MPND: variants seen among roughly 807,000 people sequenced by gnomAD.
The protein encoded by MPND is MPN domain containing, also known as MPN domain-containing protein.
Under a neutral mutation model 59.2 loss-of-function variants are expected in MPND, and 56 were observed. That is an observed-to-expected ratio of 0.95 (90% confidence interval 0.76 to 1.18). The LOEUF (loss-of-function observed/expected upper bound fraction) is 1.18, where lower values mean the gene tolerates loss of function less well. Ranked by LOEUF, MPND falls within the 50% of genes most tolerant of loss-of-function variation. The pLI is 0.00. For missense variants in MPND, 671 were observed against 676.0 expected, an observed-to-expected ratio of 0.99 and a Z score of 0.08; for synonymous variants, 323 against 291.9, an observed-to-expected ratio of 1.11 and a Z score of -1.09.
intron 3 of MPND, chr19:4,348,497 G>A (rs1462065067): frequency 6.6e-6 from 1 of 152,002 alleles, no homozygotes; most frequent in Non-Finnish European, 1.5e-5. Context: ...CTGACCTCGT[G>A]ATCCACCCCC....
At chr19:4,353,109 T>C (rs889299432) in intron 4 of MPND, 80 bp downstream of exon 4, 7 of 1,169,114 alleles carry the variant, frequency 6.0e-6, no homozygotes, top group Middle Eastern at 3.1e-4. Context: ...AGGTTGGGCC[T>C]TGATCTTCTC....
intron 8 of MPND, chr19:4,356,599 A>T (rs1016561557): frequency 2.0e-5 from 3 of 151,838 alleles, no homozygotes; most frequent in Admixed American, 1.3e-4. Context: ...GCCAGGCCTC[A>T]TCTATTAAAC....
chr19:4,353,048 G>C lies in MPND; in HGVS notation c.664+19G>C. On this transcript the variant is annotated intron_variant, in intron 4 of 12. Coordinates refer to ENST00000599840, the MANE Select transcript of MPND (RefSeq NM_001300862.2). ...CACCCGGGTGAGAGGCGTGGGGAGGGGAGGCAGGACAGGGGCGGATACAGC... is the reference window on the plus strand; with the variant it reads ...CACCCGGGTGAGAGGCGTGGGGAGGCGAGGCAGGACAGGGGCGGATACAGC... 1 of 1,329,650 alleles carries C rather than the reference G, an allele frequency of 7.5e-7. No individual in the cohort carries two copies. The highest frequency in any genetic ancestry group is 9.7e-7 in the Non-Finnish European group (1 of 1,029,562). The allele number at this position is 1,329,650 out of a possible 1,614,324, so 82.4% of individuals were successfully genotyped here.
chr19:4,359,991 C>T lies in MPND; in HGVS notation c.1495C>T (p.Gln499Ter). ...VLEQVCGVLKQGS is the reference protein window; with the variant it reads ...VLEQVCGVLK ...GGAACAGGTGTGCGGCGTCCTCAAG[C>T]AGGGGAGCTGAGCCTTCCAGGGCAG... The change falls in exon 13 of 13, where the codon CAG becomes TAG. Residue 499 changes from glutamine to a stop codon, truncating the protein, a stop_gained. Coordinates refer to ENST00000599840, the MANE Select transcript of MPND (RefSeq NM_001300862.2). LOFTEE classifies it high-confidence loss of function. 1 of 1,563,502 alleles carries T rather than the reference C, an allele frequency of 6.4e-7. No homozygotes were observed. The highest frequency in any genetic ancestry group is 8.7e-7 in the Non-Finnish European group (1 of 1,153,552).
At chr19:4,351,861 C>CAAAAAAAAAA (rs1217874445) in intron 3 of MPND, among the ~76,000 whole-genome samples, 9 of 51,410 alleles carry the variant, frequency 1.8e-4, no homozygotes, top group Non-Finnish European at 2.1e-4. Flanking sequence ...GACTCTGTCT[C>CAAAAAAAAAA]AAAAAAAAAA....
intron 11 of MPND, among the ~76,000 whole-genome samples, chr19:4,358,878 C>T (rs767459214): frequency 2.0e-5 from 3 of 152,128 alleles, no homozygotes; most frequent in Non-Finnish European, 4.4e-5. Context: ...CAGGGGGCCA[C>T]GTCAGGCCCG....
intron 10 of MPND, 186 bp downstream of exon 10, chr19:4,357,771 C>T (rs573501364): frequency 1.0e-4 from 65 of 638,850 alleles, no homozygotes; most frequent in African/African-American, 1.5e-4. Flanking sequence ...GTGGGGCCTC[C>T]GTTGTGTCAT....
Position 4,355,071 on chromosome 19 carries a change from G to A in MPND, c.920-26G>A, listed in dbSNP as rs376039143. On this transcript the variant is annotated intron_variant, in intron 7 of 12. Transcript: ENST00000599840. ...GGGGGCGTTGGAGGACCGGGGTCAC[G>A]GGGTCACAGCTGCCCCTCCCCACAG... 3,354 of 1,613,490 alleles carry A rather than the reference G, an allele frequency of 2.1e-3. 7 individuals are homozygous for A. Among genetic ancestry groups the A allele is most frequent in the Non-Finnish European group, 2.7e-3 (3,155 of 1,179,696 alleles).
intron 3 of MPND, 62 bp downstream of exon 3, chr19:4,346,043 C>G: frequency 2.2e-6 from 3 of 1,384,938 alleles, no homozygotes; most frequent in Non-Finnish European, 3.0e-6. Context: ...GGGTGCCCAG[C>G]CTGGCACAGC....
Position 4,354,362 on chromosome 19 carries a change from C to T in MPND, c.788C>T (p.Ala263Val), listed in dbSNP as rs1199202576. The part of the protein sequence containing the change: ...HTLVEVTSFA[A>V]INKFQPFNVA... ...CTGGTGGAAGTAACATCCTTTGCAG[C>T]CATCAACAAGTTCCAGCCGTTCAAC... The change falls in exon 6 of 13, where the codon GCC becomes GTC. Residue 263 changes from alanine to valine, a missense_variant. Transcript: ENST00000599840. 6 of 1,562,586 alleles carry T rather than the reference C, an allele frequency of 3.8e-6. No homozygotes were observed. In the South Asian group the frequency reaches 7.1e-5, roughly 18 times the overall value.
chr19:4,352,942 G>T lies in MPND; in HGVS notation c.577G>T (p.Glu193Ter). ...GEEEELLMEE[E>*]EEDVLAGVSA... ...GGAGGAGGAGTTGCTGATGGAAGAGGAGGAGGAGGACGTTCTGGCAGGGGT... is the reference window on the plus strand; with the variant it reads ...GGAGGAGGAGTTGCTGATGGAAGAGTAGGAGGAGGACGTTCTGGCAGGGGT... Residue 193 changes from glutamate (E) to a stop codon, truncating the protein, a stop_gained, in exon 4 of 13, where the codon GAG (glutamate) becomes TAG (stop). Transcript: ENST00000599840. LOFTEE classifies it high-confidence loss of function. 7.1e-7 allele frequency: 1 copy of T among 1,407,382 alleles called. No individual in the cohort carries two copies. Among genetic ancestry groups the T allele is most frequent in the South Asian group, 1.8e-5 (1 of 55,062 alleles). 87.2% of individuals were successfully genotyped at this position (1,407,382 alleles called of 1,614,324 possible).
rs1972178689 is a variant in MPND at position 4,345,988 on chromosome 19, G to C, written c.531+7G>C. On this transcript the variant is annotated splice_region_variant and intron_variant, in intron 3 of 12. Transcript: ENST00000599840. ...TGCCACGGCTGCTGATGAGGTACGT[G>C]CTGCAGCCTCCTCCAGGAAGCCGCC... The C allele has an allele frequency of 1.2e-6, 2 of 1,607,126 alleles. No individual in the cohort carries two copies. Among genetic ancestry groups the C allele is most frequent in the Non-Finnish European group, 8.5e-7 (1 of 1,176,638 alleles).
In MPND at chr19:4,353,897, C is replaced by T. The variant is rs112213335; in HGVS notation, c.665-148C>T. ...AGGCTGGAGTGCAGTGGTGTGATCACAGCTCCCTGCAGCCTCAACCTCCCA... is the reference window on the plus strand; with the variant it reads ...AGGCTGGAGTGCAGTGGTGTGATCATAGCTCCCTGCAGCCTCAACCTCCCA... On this transcript the variant is annotated intron_variant, in intron 4 of 12. Transcript: ENST00000599840. The T allele has an allele frequency of 5.3e-5, 35 of 656,722 alleles. 2 individuals are homozygous for T. Among genetic ancestry groups the T allele is most frequent in the African/African-American group, 3.4e-4 (19 of 55,520 alleles). The allele number at this position is 656,722 out of a possible 1,614,324, so 40.7% of individuals were successfully genotyped here. A position where few individuals can be genotyped will look rare whatever the true frequency, so the allele number is the denominator to read the frequency against.
chr19:4,352,158 G>GT (rs1291474881), intron 3 of MPND, among the ~76,000 whole-genome samples: 2 of 151,982 alleles, frequency 1.3e-5, no homozygotes, highest in African/African-American at 2.4e-5. Flanking sequence ...GGGTGACAGA[G>GT]TGAGACCGTG....
At position 4,345,943 on chromosome 19, in the gene MPND, C is replaced by CAG; in HGVS notation, c.493_494insAG (p.Leu165GlnfsTer26). 6.2e-7 allele frequency: 1 copy of CAG among 1,612,966 alleles called. No homozygotes were observed. ...CAAGTACAAGGCCACCTGGCTCCGG[C>CAG]TGCACCAGCTGCACACGCCTGCCAC... On this transcript the variant is annotated frameshift_variant, in exon 3 of 13. Coordinates refer to ENST00000599840, the MANE Select transcript of MPND (RefSeq NM_001300862.2). LOFTEE classifies it high-confidence loss of function.
intron 3 of MPND, chr19:4,347,899 T>G: frequency 5.4e-6 from 1 of 186,696 alleles, no homozygotes; most frequent in East Asian, 1.3e-4. Context: ...TTTTTTTTGT[T>G]TTTTTTTTTT....
rs1599582383 is a variant in MPND, at chr19:4,359,817, G to C, written c.1420-99G>C. The C allele has an allele frequency of 1.1e-5, 10 of 933,652 alleles. No homozygotes were observed. The East Asian group carries it at 2.7e-4, about 25-fold the overall frequency. 57.8% of individuals were successfully genotyped at this position (933,652 alleles called of 1,614,324 possible). ...CCCAGCCCTGTGCCTCGGTCTCAGG[G>C]GGGCTCAGTCAGGATGCTGGACTTG... On this transcript the variant is annotated intron_variant, in intron 12 of 12. Coordinates refer to ENST00000599840, the MANE Select transcript of MPND (RefSeq NM_001300862.2).
At position 4,355,018 on chromosome 19, in the gene MPND, C is replaced by G. The variant is rs757259049; in HGVS notation, c.916C>G (p.Gln306Glu). ...GGGGGGCCGCTGGGACGTCAACAGC[C>G]AGAGTGGGTATCCAGGGCCAGGTGG... ...YLGGRWDVNS[Q>E]MLTVLRAFPC... is the part of the protein sequence containing the mutation. The change falls in exon 7 of 13, where the codon CAG becomes GAG. Residue 306 changes from glutamine to glutamate, a missense_variant. Coordinates refer to ENST00000599840, the MANE Select transcript of MPND (RefSeq NM_001300862.2). The G allele has an allele frequency of 2.7e-6, 4 of 1,492,316 alleles. No homozygotes were observed. The highest frequency in any genetic ancestry group is 3.6e-6 in the Non-Finnish European group (4 of 1,111,322). 92.4% of individuals were successfully genotyped at this position (1,492,316 alleles called of 1,614,324 possible).
intron 11 of MPND, 64 bp downstream of exon 11, chr19:4,358,236 G>A (rs2093770861): frequency 1.4e-6 from 2 of 1,413,382 alleles, no homozygotes; most frequent in African/African-American, 2.8e-5. Flanking sequence ...ACGATGCGTT[G>A]GTCTGCTTCC....
Sources: allele counts gnomAD v4.1 joint callset (sites outside exome capture counted in the v4.1 genomes callset), GRCh38; gene constraint gnomAD v4.1.1; transcripts MANE v1.5; gene names NCBI Gene and HGNC (gene_info 2026-07-23, HGNC 2026-07-21).